Variants in AFDN observed in about 807,000 individuals in gnomAD.
The protein encoded by AFDN is afadin, adherens junction formation factor.
A neutral mutation model predicts 216.6 loss-of-function variants in AFDN; 68 were observed. That is an observed-to-expected ratio of 0.31 (90% CI 0.26 to 0.38). The LOEUF is 0.38. Ranked by LOEUF, AFDN falls within the 10% of genes least tolerant of loss-of-function variation. The pLI is 1.00. For missense variants in AFDN, 2,136 were observed against 2,342.0 expected, an observed-to-expected ratio of 0.91 and a Z score of 1.82; for synonymous variants, 868 against 853.7, an observed-to-expected ratio of 1.02 and a Z score of -0.29.
chr6:167,882,700 A>AG (rs1786281355), intron 6 of AFDN, among the ~76,000 whole-genome samples: 1 of 152,162 alleles, frequency 6.6e-6, no homozygotes, highest in Non-Finnish European at 1.5e-5. Context: ...GAAGTTATCA[A>AG]GGAAATACTG....
intron 8 of AFDN, among the ~76,000 whole-genome samples, chr6:167,891,932 T>TA (rs1425380985): frequency 6.6e-6 from 1 of 152,218 alleles, no homozygotes; most frequent in Non-Finnish European, 1.5e-5. Context: ...ATGTGTATGA[T>TA]ATATGGCTCC....
At chr6:167,937,013 G>A (rs1794090006) in intron 23 of AFDN, among the ~76,000 whole-genome samples, 1 of 152,158 alleles carries the variant, frequency 6.6e-6, no homozygotes, top group African/African-American at 2.4e-5. Context: ...GTTTATGACT[G>A]TGAGCTGCAC....
chr6:167,954,403 C>CT (rs774225279), intron 30 of AFDN: 19 of 1,507,984 alleles, frequency 1.3e-5, no homozygotes, highest in Admixed American at 6.4e-5. Flanking sequence ...CTAAACCTAA[C>CT]TTTTTTTTCC....
intron 1 of AFDN, among the ~76,000 whole-genome samples, chr6:167,840,012 G>C (rs972924327): frequency 3.3e-5 from 5 of 152,188 alleles, no homozygotes; most frequent in African/African-American, 4.8e-5. Flanking sequence ...AGCTGCGGCA[G>C]AATCTCATTG....
chr6:167,839,907 G>A (rs938008574), intron 1 of AFDN, among the ~76,000 whole-genome samples: 1 of 152,148 alleles, frequency 6.6e-6, no homozygotes, highest in Admixed American at 6.5e-5. Flanking sequence ...AGAGGGGACC[G>A]GCATTCCTGC....
At chr6:167,868,037 GAC>G (rs1357113212) in intron 2 of AFDN, among the ~76,000 whole-genome samples, 1 of 152,150 alleles carries the variant, frequency 6.6e-6, no homozygotes, top group Non-Finnish European at 1.5e-5. Flanking sequence ...CTCTCTTTCT[GAC>G]AGTTTTCTGG....
At chr6:167,901,485 G>A (rs1255699302) in intron 11 of AFDN, among the ~76,000 whole-genome samples, 1 of 152,134 alleles carries the variant, frequency 6.6e-6, no homozygotes, top group Non-Finnish European at 1.5e-5. Context: ...TTGATATTTT[G>A]AGATATTTGA....
intron 15 of AFDN, chr6:167,912,023 C>G: frequency 6.2e-6 from 1 of 160,948 alleles, no homozygotes; most frequent in South Asian, 1.7e-4. Context: ...TGTAATGAGC[C>G]TAGACGTTGG....
chr6:167,907,780 A>AT lies in AFDN; in HGVS notation c.1769+504dup, dbSNP rs530489494. 3.9e-3 allele frequency among the ~76,000 whole-genome samples: 565 copies of AT among 146,306 alleles called. 5 individuals carry two copies. The highest frequency in any genetic ancestry group is 0.011 in the African/African-American group (445 of 40,140). ...CCCTGTGGAGATAGATGGAGGATGA[A>AT]TTTTTTTTTTTTTCTGACATTGTTC... On this transcript the variant is annotated intron_variant, in intron 13 of 33. Coordinates refer to ENST00000683244, the MANE Select transcript of AFDN (RefSeq NM_001386888.1).
At chr6:167,903,406 G>A (rs1231649839) in intron 12 of AFDN, among the ~76,000 whole-genome samples, 1 of 152,202 alleles carries the variant, frequency 6.6e-6, no homozygotes, top group Non-Finnish European at 1.5e-5. Context: ...CCCCATTGGG[G>A]CAGCCAGAAG....
At chr6:167,910,990 G>A in intron 13 of AFDN, 111 bp from the exon 14 acceptor site, 2 of 851,730 alleles carry the variant, frequency 2.3e-6, no homozygotes, top group Non-Finnish European at 3.8e-6. Context: ...TTTTACGTTG[G>A]AAAGATTAGT....
At chr6:167,870,310 A>G (rs1283060350) in intron 2 of AFDN, 76 bp from the exon 3 acceptor site, 2 of 825,926 alleles carry the variant, frequency 2.4e-6, no homozygotes, top group Non-Finnish European at 3.9e-6. Context: ...TTAAATGTAT[A>G]TCAGAATGCT....
chr6:167,943,780 G>GA (rs1794965763), intron 25 of AFDN, among the ~76,000 whole-genome samples, 161 bp from the exon 26 acceptor site: 1 of 152,176 alleles, frequency 6.6e-6, no homozygotes, highest in Non-Finnish European at 1.5e-5. Flanking sequence ...TTTCAAAGGA[G>GA]AAAATGGGTA....
intron 6 of AFDN, among the ~76,000 whole-genome samples, chr6:167,886,216 CA>C (rs1786789691): frequency 6.6e-6 from 1 of 152,098 alleles, no homozygotes; most frequent in African/African-American, 2.4e-5. Context: ...GAGAGATAAG[CA>C]TGGGTATTTG....
chr6:167,873,760 A>G (rs1435430410), intron 4 of AFDN, among the ~76,000 whole-genome samples: 2 of 152,238 alleles, frequency 1.3e-5, no homozygotes, highest in Non-Finnish European at 2.9e-5. Context: ...TAATAAGGCA[A>G]CATCTTTCCA....
chr6:167,834,825 A>T (rs949259957), intron 1 of AFDN, among the ~76,000 whole-genome samples: 5 of 151,362 alleles, frequency 3.3e-5, no homozygotes, highest in African/African-American at 4.9e-5. Context: ...ACCAAAATTT[A>T]AAAAAAAATT....
At chr6:167,858,775 C>T (rs1013856913) in intron 1 of AFDN, among the ~76,000 whole-genome samples, 15 of 152,100 alleles carry the variant, frequency 9.9e-5, no homozygotes, top group Admixed American at 6.5e-5. Context: ...TTTACATTGC[C>T]GGCAACAGAA....
chr6:167,945,174 A>C (rs929933613), intron 26 of AFDN, among the ~76,000 whole-genome samples: 35 of 139,816 alleles, frequency 2.5e-4, no homozygotes, highest in African/African-American at 8.9e-4. Flanking sequence ...TTTTTTTTTT[A>C]ATTTATCTTT....
intron 23 of AFDN, among the ~76,000 whole-genome samples, chr6:167,934,904 T>G (rs1793793339): frequency 2.0e-5 from 3 of 152,164 alleles, no homozygotes; most frequent in Non-Finnish European, 2.9e-5. Flanking sequence ...GAGAAGACAT[T>G]TGGGGAGCAG....
Sources: allele counts gnomAD v4.1 joint callset (sites outside exome capture counted in the v4.1 genomes callset), GRCh38; gene constraint gnomAD v4.1.1; transcripts MANE v1.5; gene names NCBI Gene and HGNC (gene_info 2026-07-23, HGNC 2026-07-21).